SRBD1: variants seen among roughly 807,000 people sequenced by gnomAD.
SRBD1 encodes S1 RNA-binding domain-containing protein 1.
SRBD1 carries 88 observed loss-of-function variants against 115.3 expected under a neutral mutation model. The ratio of observed to expected loss-of-function variants is 0.76; its 90% CI spans 0.64 to 0.91. The LOEUF (loss-of-function observed/expected upper bound fraction) is 0.91, where lower values mean the gene tolerates loss of function less well. Ranked by LOEUF, SRBD1 falls within the 40% of genes least tolerant of loss-of-function variation. The pLI is 0.00. For synonymous variants in SRBD1, 509 were observed against 407.7 expected, an observed-to-expected ratio of 1.25 and a Z score of -2.99; for missense variants, 1,385 against 1,177.4, an observed-to-expected ratio of 1.18 and a Z score of -2.58.
At chr2:45,528,530 A>G (rs7591687) in intron 14 of SRBD1, among the ~76,000 whole-genome samples, 43,325 of 151,418 alleles carry the variant, frequency 0.29, 6,368 homozygotes, top group African/African-American at 0.37. Context: ...TGGGAGCCAA[A>G]GCAAAAAGCT....
Position 45,579,725 on chromosome 2 carries a change from G to A in SRBD1, c.1072+150C>T, listed in dbSNP as rs1294215033. On this transcript the variant is annotated intron_variant, in intron 7 of 20. Coordinates refer to ENST00000263736, the MANE Select transcript of SRBD1 (RefSeq NM_018079.5). ...AGAAAAGCTGAATGGCTACTCAATA[G>A]GTATGTCAGGATTTATTTCAATTAT... 6 of 914,782 alleles carry A rather than the reference G, an allele frequency of 6.6e-6. No homozygotes were observed. The South Asian group carries it at 1.8e-4, about 27-fold the overall frequency. 56.7% of individuals were successfully genotyped at this position (914,782 alleles called of 1,614,324 possible). A position where few individuals can be genotyped will look rare whatever the true frequency, so the allele number is the denominator to read the frequency against.
intron 9 of SRBD1, among the ~76,000 whole-genome samples, chr2:45,565,221 C>T (rs754674108): frequency 6.6e-6 from 1 of 152,124 alleles, no homozygotes; most frequent in Non-Finnish European, 1.5e-5. Flanking sequence ...TTCCCACTTC[C>T]CAATTTCAAA....
chr2:45,454,168 T>C (rs868124917), intron 16 of SRBD1, among the ~76,000 whole-genome samples: 3 of 151,908 alleles, frequency 2.0e-5, no homozygotes, highest in Admixed American at 6.6e-5. Context: ...GTATTCCCTA[T>C]CTTGCCTAAG....
At chr2:45,454,588 A>G (rs544274460) in intron 16 of SRBD1, among the ~76,000 whole-genome samples, 4 of 151,736 alleles carry the variant, frequency 2.6e-5, no homozygotes, top group Non-Finnish European at 5.9e-5. Flanking sequence ...CTTTTACCAC[A>G]CTTTAGGGAG....
At position 45,580,676 on chromosome 2, in the gene SRBD1, CTTTTTTTTT is replaced by C. The variant is rs369067711; in HGVS notation, c.934-672_934-664del. On this transcript the variant is annotated intron_variant, in intron 6 of 20. Transcript: ENST00000263736. ...ACCTGGCCGGTCAATTCTTCTACTT[CTTTTTTTTT>C]TTTTTTTTTTTTTTTTTTGAGATGG... Among the ~76,000 whole-genome samples the C allele has an allele frequency of 1.2e-4, 9 of 76,348 alleles. No individual in the cohort carries two copies. In the East Asian group the frequency reaches 1.7e-3, roughly 15 times the overall value. The allele number at this position is 76,348 out of a possible 152,430, so 50.1% of individuals were successfully genotyped here. A position where few individuals can be genotyped will look rare whatever the true frequency, so the allele number is the denominator to read the frequency against.
At chr2:45,472,390 C>T (rs996248030) in intron 16 of SRBD1, among the ~76,000 whole-genome samples, 6 of 152,184 alleles carry the variant, frequency 3.9e-5, no homozygotes, top group South Asian at 2.1e-4. Flanking sequence ...TTCACAACTC[C>T]ATGACTATAC....
intron 19 of SRBD1, among the ~76,000 whole-genome samples, chr2:45,407,347 A>C (rs1406833594): frequency 6.6e-6 from 1 of 152,156 alleles, no homozygotes; most frequent in Non-Finnish European, 1.5e-5. Flanking sequence ...ACATTTTTAA[A>C]AACCTACCCT....
At chr2:45,452,500 T>A (rs1051775083) in intron 16 of SRBD1, among the ~76,000 whole-genome samples, 1 of 152,016 alleles carries the variant, frequency 6.6e-6, no homozygotes, top group Non-Finnish European at 1.5e-5. Context: ...CAAAGAGCTA[T>A]AACTCATGTT....
At chr2:45,601,188 C>T (rs1365299683) in intron 3 of SRBD1, among the ~76,000 whole-genome samples, 1 of 152,152 alleles carries the variant, frequency 6.6e-6, no homozygotes, top group African/African-American at 2.4e-5. Flanking sequence ...ATGCCTAGAC[C>T]ACAGTGGACA....
rs962720461 is a variant in SRBD1 at position 45,562,532 on chromosome 2, T to C, written c.1409+121A>G. The C allele has an allele frequency of 1.1e-5, 8 of 744,354 alleles. No homozygotes were observed. In the Admixed American group the frequency reaches 2.6e-4, roughly 24 times the overall value. The allele number at this position is 744,354 out of a possible 1,614,324, so 46.1% of individuals were successfully genotyped here. A position where few individuals can be genotyped will look rare whatever the true frequency, so the allele number is the denominator to read the frequency against. Reference sequence around the variant, plus strand: ...CAGGCGTGAGCCACCGCGCCCGGCCTGTCACTGGCTTTTTAAAAATGTTCA... The same window carrying C: ...CAGGCGTGAGCCACCGCGCCCGGCCCGTCACTGGCTTTTTAAAAATGTTCA... On this transcript the variant is annotated intron_variant, in intron 10 of 20. Transcript: ENST00000263736.
intron 16 of SRBD1, among the ~76,000 whole-genome samples, chr2:45,420,499 GCTTT>G (rs1667964271): frequency 6.6e-6 from 1 of 152,170 alleles, no homozygotes; most frequent in Admixed American, 6.5e-5. Flanking sequence ...CATGACACAT[GCTTT>G]CTTACTGCTT....
In SRBD1 at chr2:45,389,709, A is replaced by T. The variant is rs956503127; in HGVS notation, c.2699-110T>A. On this transcript the variant is annotated intron_variant, in intron 20 of 20. Coordinates refer to ENST00000263736, the MANE Select transcript of SRBD1 (RefSeq NM_018079.5). ...CTATGTGCCCAGACCAATATTAAAG[A>T]TTAAGGGGGGATTATAAAAGGAGCT... 6.4e-6 allele frequency: 7 copies of T among 1,094,674 alleles called. No individual in the cohort carries two copies. In the Middle Eastern group the frequency reaches 1.5e-3, roughly 239 times the overall value. 67.8% of individuals were successfully genotyped at this position (1,094,674 alleles called of 1,614,324 possible). A position where few individuals can be genotyped will look rare whatever the true frequency, so the allele number is the denominator to read the frequency against.
At chr2:45,559,172 C>T (rs1672580417) in intron 10 of SRBD1, among the ~76,000 whole-genome samples, 1 of 151,986 alleles carries the variant, frequency 6.6e-6, no homozygotes. Flanking sequence ...GCCATATCTA[C>T]TCTTGATTCC....
At chr2:45,409,715 T>C (rs900266067) in intron 19 of SRBD1, among the ~76,000 whole-genome samples, 3 of 152,144 alleles carry the variant, frequency 2.0e-5, no homozygotes, top group African/African-American at 7.2e-5. Context: ...CTCGTATTTT[T>C]ATATATTAGC....
Position 45,389,392 on chromosome 2 carries a change from G to T in SRBD1, c.2906C>A (p.Pro969His). ...TACTTGGACTTCCACTCTTTCTCCGGGGCCCAGTCCAAGGCTTCTTCTCTT... is the reference window on the plus strand; with the variant it reads ...TACTTGGACTTCCACTCTTTCTCCGTGGCCCAGTCCAAGGCTTCTTCTCTT... ...TKKRRSLGLGPGERVEVQVLN... is the reference protein window; with the variant it reads ...TKKRRSLGLGHGERVEVQVLN... The change falls in exon 21 of 21, where the codon CCC becomes CAC. Residue 969 changes from proline to histidine, a missense_variant. Pro to His is a moderately conservative substitution (Grantham distance 77). Coordinates refer to ENST00000263736, the MANE Select transcript of SRBD1 (RefSeq NM_018079.5). The T allele has an allele frequency of 6.2e-7, 1 of 1,613,978 alleles. No homozygotes were observed. Among genetic ancestry groups the T allele is most frequent in the Non-Finnish European group, 8.5e-7 (1 of 1,179,940 alleles).
At chr2:45,475,470 T>TC (rs902708300) in intron 16 of SRBD1, among the ~76,000 whole-genome samples, 19 of 152,172 alleles carry the variant, frequency 1.2e-4, no homozygotes, top group African/African-American at 4.3e-4. Context: ...TTAAAATGAA[T>TC]CCCAAAGTCT....
intron 19 of SRBD1, among the ~76,000 whole-genome samples, chr2:45,399,373 G>C (rs1667233021): frequency 6.6e-6 from 1 of 152,098 alleles, no homozygotes; most frequent in Non-Finnish European, 1.5e-5. Context: ...GTATAAAATA[G>C]TCTTCCGCTT....
chr2:45,602,080 T>A lies in SRBD1; in HGVS notation c.84A>T (p.Ser28=), dbSNP rs1674112011. The change falls in exon 3 of 21, where the codon TCA becomes TCT. Residue 28 remains serine (S), a synonymous_variant. Coordinates refer to ENST00000263736, the MANE Select transcript of SRBD1 (RefSeq NM_018079.5). ...CCTTGTCATCTTCTTCAGAGGCAGATGATCTAGAAGTAAATCAACAGAATA... is the reference window on the plus strand; with the variant it reads ...CCTTGTCATCTTCTTCAGAGGCAGAAGATCTAGAAGTAAATCAACAGAATA... ...KDEFSSFSEL[S]SASEEDDKED... 6.2e-7 allele frequency: 1 copy of A among 1,613,134 alleles called. No homozygotes were observed. The highest frequency in any genetic ancestry group is 8.5e-7 in the Non-Finnish European group (1 of 1,179,646).
chr2:45,604,602 T>C (rs993386185), intron 2 of SRBD1, among the ~76,000 whole-genome samples: 1 of 152,156 alleles, frequency 6.6e-6, no homozygotes, highest in African/African-American at 2.4e-5. Context: ...ACCAAACTTA[T>C]TCCTGCCTCA....
Sources: allele counts gnomAD v4.1 joint callset (sites outside exome capture counted in the v4.1 genomes callset), GRCh38; gene constraint gnomAD v4.1.1; transcripts MANE v1.5; gene names NCBI Gene and HGNC (gene_info 2026-07-23, HGNC 2026-07-21).